The following CLTCL1 variants were observed in gnomAD, a reference collection of about 807,000 sequenced individuals.
CLTCL1 encodes clathrin heavy chain like 1, also known as clathrin heavy chain 2.
A neutral mutation model predicts 190.0 loss-of-function variants in CLTCL1; 159 were observed. The observed-to-expected ratio is 0.84, with a 90% CI of 0.74 to 0.95. CLTCL1 has a LOEUF of 0.95. Ranked by LOEUF, CLTCL1 falls within the 40% of genes least tolerant of loss-of-function variation. The pLI, the probability that CLTCL1 is intolerant of heterozygous loss-of-function variation, is 0.00. For missense variants in CLTCL1, 1,878 were observed against 2,033.4 expected, an observed-to-expected ratio of 0.92 and a Z score of 1.47; for synonymous variants, 752 against 769.6, an observed-to-expected ratio of 0.98 and a Z score of 0.38.
intron 19 of CLTCL1, 104 bp from the exon 20 acceptor site, chr22:19,210,613 T>G: frequency 5.1e-6 from 4 of 778,110 alleles, no homozygotes; most frequent in South Asian, 1.8e-5. Flanking sequence ...TTTAAAAAAG[T>G]AATTAATATA....
At chr22:19,260,994 G>A (rs28786842) in intron 2 of CLTCL1, among the ~76,000 whole-genome samples, 1 of 151,504 alleles carries the variant, frequency 6.6e-6, no homozygotes, top group African/African-American at 2.4e-5. Context: ...GGTCACCTAA[G>A]AGCTCTGACG....
At chr22:19,269,793 C>A (rs781986977) in intron 2 of CLTCL1, among the ~76,000 whole-genome samples, 1 of 151,876 alleles carries the variant, frequency 6.6e-6, no homozygotes, top group East Asian at 1.9e-4. Flanking sequence ...GAGTGGGGGG[C>A]GAAGAGAGAG....
At chr22:19,180,967 A>G in intron 30 of CLTCL1, 161 bp from the exon 31 acceptor site, 1 of 642,444 alleles carries the variant, frequency 1.6e-6, no homozygotes, top group Non-Finnish European at 2.8e-6. Flanking sequence ...CACCCCATGC[A>G]CTTTTAGAAT....
intron 2 of CLTCL1, among the ~76,000 whole-genome samples, chr22:19,271,960 T>C (rs1555980898): frequency 2.0e-5 from 3 of 152,148 alleles, no homozygotes; most frequent in African/African-American, 7.2e-5. Context: ...TGTTTAAACA[T>C]TAGCTGGGCA....
intron 10 of CLTCL1, among the ~76,000 whole-genome samples, chr22:19,231,479 C>T (rs2085917160): frequency 6.6e-6 from 1 of 152,196 alleles, no homozygotes; most frequent in Non-Finnish European, 1.5e-5. Flanking sequence ...TTGATTCTGT[C>T]TCTCTGCAGC....
intron 3 of CLTCL1, among the ~76,000 whole-genome samples, chr22:19,247,953 T>C (rs2086471303): frequency 6.6e-6 from 1 of 152,164 alleles, no homozygotes; most frequent in Non-Finnish European, 1.5e-5. Flanking sequence ...TGTGGCCCAG[T>C]ATAGCCTTGT....
chr22:19,222,137 G>T, intron 15 of CLTCL1, 44 bp from the exon 16 acceptor site: 1 of 1,607,226 alleles, frequency 6.2e-7, no homozygotes, highest in Non-Finnish European at 8.5e-7. Context: ...GCAAACACAA[G>T]TTATTGTTAG....
At chr22:19,277,424 T>C (rs537979868) in intron 1 of CLTCL1, among the ~76,000 whole-genome samples, 5 of 152,224 alleles carry the variant, frequency 3.3e-5, no homozygotes, top group Non-Finnish European at 5.9e-5. Flanking sequence ...TACTGAGTTG[T>C]TTGAAATTCA....
chr22:19,223,166 C>T (rs1018279346), intron 14 of CLTCL1, among the ~76,000 whole-genome samples: 3 of 152,130 alleles, frequency 2.0e-5, no homozygotes, highest in Admixed American at 6.5e-5. Flanking sequence ...GACACGCAGC[C>T]GCAGGCCATG....
intron 1 of CLTCL1, among the ~76,000 whole-genome samples, chr22:19,277,502 AAAC>A (rs2087556848): frequency 6.6e-6 from 1 of 152,210 alleles, no homozygotes; most frequent in African/African-American, 2.4e-5. Flanking sequence ...CCACCAAAAC[AAAC>A]AAAAACACAT....
At chr22:19,236,028 T>C (rs1309028089) in intron 5 of CLTCL1, among the ~76,000 whole-genome samples, 159 bp from the exon 6 acceptor site, 4 of 152,140 alleles carry the variant, frequency 2.6e-5, no homozygotes, top group African/African-American at 7.2e-5. Flanking sequence ...GGTGCCACCA[T>C]AGCTCACTGC....
rs1053805694 is a variant in CLTCL1 at position 19,231,535 on chromosome 22, T to C, written c.1644+941A>G. 7.9e-5 allele frequency among the ~76,000 whole-genome samples: 12 copies of C among 152,246 alleles called. No individual in the cohort carries two copies. The South Asian group carries it at 1.2e-3, about 16-fold the overall frequency. ...TGATACTTGATATCTAACTCATATATATCATTATATTATTGGGGCACAACT... is the reference window on the plus strand; with the variant it reads ...TGATACTTGATATCTAACTCATATACATCATTATATTATTGGGGCACAACT... On this transcript the variant is annotated intron_variant, in intron 10 of 32. Transcript: ENST00000427926.
At chr22:19,248,063 G>A (rs187941350) in intron 3 of CLTCL1, among the ~76,000 whole-genome samples, 202 of 151,720 alleles carry the variant, frequency 1.3e-3, no homozygotes, top group African/African-American at 4.1e-3. Flanking sequence ...TTGGGAGGCC[G>A]AGGCAGGCAG....
At chr22:19,223,856 G>A in intron 14 of CLTCL1, 35 bp downstream of exon 14, 1 of 1,610,962 alleles carries the variant, frequency 6.2e-7, no homozygotes, top group Non-Finnish European at 8.5e-7. Context: ...CATCAGCAAG[G>A]GCAGCTCATG....
Position 19,223,889 on chromosome 22 carries a change from A to C in CLTCL1, c.2292+2T>G, listed in dbSNP as rs782370793. The C allele has an allele frequency of 5.0e-6, 8 of 1,613,188 alleles. No homozygotes were observed. The Admixed American group carries it at 1.3e-4, about 27-fold the overall frequency. ...ATGGAAGGAGGCAGCACTGGAACAC[A>C]CCTTCAGGAAGTTCTTCACACGCTC... On this transcript the variant is annotated splice_donor_variant, in intron 14 of 32. Transcript: ENST00000427926. LOFTEE classifies it high-confidence loss of function.
intron 15 of CLTCL1, 144 bp from the exon 16 acceptor site, chr22:19,222,237 A>G: frequency 2.5e-6 from 2 of 786,914 alleles, no homozygotes; most frequent in East Asian, 4.9e-5. Flanking sequence ...TCACCTGCTG[A>G]TGTCCTAACC....
At chr22:19,253,381 A>G (rs1262666040) in intron 3 of CLTCL1, among the ~76,000 whole-genome samples, 1 of 152,170 alleles carries the variant, frequency 6.6e-6, no homozygotes, top group African/African-American at 2.4e-5. Context: ...AGCTGTGCAC[A>G]TCGGGGCCCT....
At chr22:19,202,250 C>T (rs1176819096) in intron 22 of CLTCL1, among the ~76,000 whole-genome samples, 1 of 152,062 alleles carries the variant, frequency 6.6e-6, no homozygotes, top group Non-Finnish European at 1.5e-5. Flanking sequence ...TCTGCCCATT[C>T]CATACCTGTG....
intron 2 of CLTCL1, among the ~76,000 whole-genome samples, chr22:19,262,631 C>T (rs1444295534): frequency 7.3e-6 from 1 of 137,190 alleles, no homozygotes; most frequent in African/African-American, 2.7e-5. Context: ...GACTCTGTCT[C>T]AAAAAAAAAA....
Sources: allele counts gnomAD v4.1 joint callset (sites outside exome capture counted in the v4.1 genomes callset), GRCh38; gene constraint gnomAD v4.1.1; transcripts MANE v1.5; gene names NCBI Gene and HGNC (gene_info 2026-07-23, HGNC 2026-07-21).